The following CADPS2 variants were observed in gnomAD, a reference collection of about 807,000 sequenced individuals.
The protein encoded by CADPS2 is calcium dependent secretion activator 2.
Under a neutral mutation model 172.5 loss-of-function variants are expected in CADPS2, and 93 were observed. That is an observed-to-expected ratio of 0.54 (90% CI 0.46 to 0.64). The LOEUF is 0.64. CADPS2 is among the 30% of genes least tolerant of loss of function. The pLI is 0.00. For missense variants in CADPS2, 1,420 were observed against 1,565.9 expected (o/e 0.91, Z 1.57); for synonymous variants, 546 against 555.2 (o/e 0.98, Z 0.23).
intron 1 of CADPS2, among the ~76,000 whole-genome samples, chr7:122,835,696 C>G (rs183993867): frequency 2.3e-4 from 35 of 152,002 alleles, no homozygotes; most frequent in South Asian, 2.3e-3. Context: ...GATGGAAGAT[C>G]AAATAAATGA....
rs556155086 is a variant in CADPS2 at position 122,728,342 on chromosome 7, A to G, written c.453+8613T>C. Among the ~76,000 whole-genome samples, 17 of 152,002 alleles carry G rather than the reference A, an allele frequency of 1.1e-4. 1 individual carries two copies. Among genetic ancestry groups the G allele is most frequent in the African/African-American group, 4.1e-4 (17 of 41,540 alleles). ...AAGAAATCAATAAACAACTGCAATTATTTTTAAGTAAATATGAAGAGTTGA... is the reference window on the plus strand; with the variant it reads ...AAGAAATCAATAAACAACTGCAATTGTTTTTAAGTAAATATGAAGAGTTGA... On this transcript the variant is annotated intron_variant, in intron 2 of 29. Coordinates refer to ENST00000449022, the MANE Select transcript of CADPS2 (RefSeq NM_017954.11).
chr7:122,398,609 G>A (rs55674037), intron 20 of CADPS2, among the ~76,000 whole-genome samples: 47,727 of 151,958 alleles, frequency 0.31, 7,545 homozygotes, highest in East Asian at 0.42. Flanking sequence ...TTAATAAGTC[G>A]CTCTCCATGT....
chr7:122,512,823 T>TTG (rs1252855414), intron 9 of CADPS2, among the ~76,000 whole-genome samples: 1 of 152,120 alleles, frequency 6.6e-6, no homozygotes, highest in African/African-American at 2.4e-5. Flanking sequence ...TCCAATATCT[T>TTG]TTCAGAGGGT....
intron 6 of CADPS2, among the ~76,000 whole-genome samples, chr7:122,607,898 G>T (rs557303144): frequency 7.2e-5 from 11 of 152,214 alleles, no homozygotes; most frequent in African/African-American, 2.2e-4. Context: ...TGTGTGGTTT[G>T]AGTGTTTTGC....
intron 8 of CADPS2, among the ~76,000 whole-genome samples, chr7:122,533,969 C>T (rs539485153): frequency 1.3e-5 from 2 of 152,142 alleles, no homozygotes; most frequent in Non-Finnish European, 2.9e-5. Context: ...CGAACGCATG[C>T]ATCTCTGCTG....
chr7:122,583,817 A>C (rs1475978114), intron 6 of CADPS2, among the ~76,000 whole-genome samples: 2 of 151,006 alleles, frequency 1.3e-5, no homozygotes, highest in African/African-American at 2.4e-5. Flanking sequence ...TCATATACAT[A>C]TGCATATGTA....
intron 1 of CADPS2, among the ~76,000 whole-genome samples, chr7:122,855,407 T>C (rs1488493323): frequency 1.3e-5 from 2 of 152,208 alleles, no homozygotes; most frequent in Non-Finnish European, 2.9e-5. Flanking sequence ...CTTCTAATAA[T>C]ATAGTCTGGA....
intron 3 of CADPS2, among the ~76,000 whole-genome samples, chr7:122,645,679 A>C (rs182985283): frequency 2.1e-4 from 14 of 65,396 alleles, no homozygotes; most frequent in Non-Finnish European, 2.8e-4. Flanking sequence ...ATATATATAT[A>C]TATCTTGGGA....
intron 1 of CADPS2, among the ~76,000 whole-genome samples, chr7:122,753,668 C>T (rs938095242): frequency 3.3e-5 from 5 of 152,106 alleles, no homozygotes; most frequent in African/African-American, 9.7e-5. Flanking sequence ...TTTTCTTTTC[C>T]TATGATCTTG....
At chr7:122,713,139 G>A (rs951061797) in intron 2 of CADPS2, among the ~76,000 whole-genome samples, 52 of 152,080 alleles carry the variant, frequency 3.4e-4, no homozygotes, top group Middle Eastern at 3.4e-3. Context: ...TGTTCACAAA[G>A]TTTCCTTCAT....
intron 3 of CADPS2, among the ~76,000 whole-genome samples, chr7:122,662,168 T>C (rs2135345722): frequency 6.6e-6 from 1 of 152,274 alleles, no homozygotes; most frequent in Non-Finnish European, 1.5e-5. Flanking sequence ...AACATGTATA[T>C]TATAGAAGTG....
rs539148292 is a variant in CADPS2, at chr7:122,743,633, A to G, written c.340-6565T>C. ...TACCTCATGTCAAAGAGTAATAAAA[A>G]TGAGAAAGGTTTTTCAAAAAGGTAA... On this transcript the variant is annotated intron_variant, in intron 1 of 29. Transcript: ENST00000449022. Among the ~76,000 whole-genome samples, 35 of 152,328 alleles carry G rather than the reference A, an allele frequency of 2.3e-4. No homozygotes were observed. In the South Asian group the frequency reaches 7.0e-3, roughly 31 times the overall value.
At chr7:122,561,138 CT>C (rs112287747) in intron 7 of CADPS2, among the ~76,000 whole-genome samples, 1 of 152,134 alleles carries the variant, frequency 6.6e-6, no homozygotes, top group Non-Finnish European at 1.5e-5. Context: ...ACACAGTGCT[CT>C]TTTGTATACT....
chr7:122,617,185 G>C (rs772730424), intron 5 of CADPS2, among the ~76,000 whole-genome samples: 10 of 152,104 alleles, frequency 6.6e-5, no homozygotes, highest in Non-Finnish European at 1.3e-4. Context: ...TTGTGAAACA[G>C]TACTCTGCTT....
chr7:122,844,005 T>C (rs147934189), intron 1 of CADPS2, among the ~76,000 whole-genome samples: 152 of 152,326 alleles, frequency 1.0e-3, no homozygotes, highest in African/African-American at 3.4e-3. Flanking sequence ...GACAGGATCA[T>C]AGACGAGTTA....
At chr7:122,656,459 C>T (rs1448777969) in intron 3 of CADPS2, among the ~76,000 whole-genome samples, 1 of 152,046 alleles carries the variant, frequency 6.6e-6, no homozygotes, top group Non-Finnish European at 1.5e-5. Context: ...GGAGACAGGA[C>T]TTCAAAAAAA....
chr7:122,738,402 C>CTT lies in CADPS2; in HGVS notation c.340-1336_340-1335dup, dbSNP rs796440172. On this transcript the variant is annotated intron_variant, in intron 1 of 29. Coordinates refer to ENST00000449022, the MANE Select transcript of CADPS2 (RefSeq NM_017954.11). Reference sequence around the variant, plus strand: ...TCTTAGATCTTAGGTAATGCAGAAGCTTTTTTTTTTTTTATGCTTAACTGG... The same window carrying CTT: ...TCTTAGATCTTAGGTAATGCAGAAGCTTTTTTTTTTTTTTTATGCTTAACTGG... Among the ~76,000 whole-genome samples the CTT allele has an allele frequency of 7.7e-5, 11 of 143,368 alleles. 1 individual carries two copies. The highest frequency in any genetic ancestry group is 4.1e-4 in the East Asian group (2 of 4,918). 94.1% of individuals were successfully genotyped at this position (143,368 alleles called of 152,430 possible).
intron 8 of CADPS2, among the ~76,000 whole-genome samples, chr7:122,539,418 A>G (rs1472964666): frequency 6.6e-6 from 1 of 152,146 alleles, no homozygotes; most frequent in Non-Finnish European, 1.5e-5. Context: ...TAAACGACCC[A>G]GTCTGTGGTA....
chr7:122,605,843 C>T (rs968587504), intron 6 of CADPS2, among the ~76,000 whole-genome samples: 3 of 151,940 alleles, frequency 2.0e-5, no homozygotes, highest in Admixed American at 2.0e-4. Context: ...CCAATTAGTT[C>T]ATGTATCCAT....
Sources: allele counts gnomAD v4.1 joint callset (sites outside exome capture counted in the v4.1 genomes callset), GRCh38; gene constraint gnomAD v4.1.1; transcripts MANE v1.5; gene names NCBI Gene and HGNC (gene_info 2026-07-23, HGNC 2026-07-21).